Variants in EFCAB6 observed in about 807,000 individuals in gnomAD.
EFCAB6 encodes the protein EF-hand calcium binding domain 6, also known as EF-hand calcium-binding domain-containing protein 6.
In EFCAB6, 156 loss-of-function variants were observed where a neutral mutation model predicts 169.8. The ratio of observed to expected loss-of-function variants is 0.92; its 90% CI spans 0.81 to 1.05. The LOEUF is 1.05. EFCAB6 is among the 50% of genes least tolerant of loss of function. The probability of loss-of-function intolerance (pLI) is 0.00; values close to 1 mark genes in which losing one functional copy is unlikely to be tolerated. For missense variants in EFCAB6, 1,800 were observed against 1,829.1 expected (o/e 0.98, Z 0.29); for synonymous variants, 698 against 676.4 (o/e 1.03, Z -0.50).
intron 6 of EFCAB6, among the ~76,000 whole-genome samples, chr22:43,748,352 A>G (rs2060636799): frequency 6.6e-6 from 1 of 152,218 alleles, no homozygotes; most frequent in Non-Finnish European, 1.5e-5. Flanking sequence ...CTTGAGAAAC[A>G]TAACTCTACA....
intron 5 of EFCAB6, 132 bp from the exon 6 acceptor site, chr22:43,755,964 A>ACTGT (rs2147863836): frequency 2.2e-6 from 2 of 899,894 alleles, no homozygotes; most frequent in East Asian, 5.6e-5. Flanking sequence ...CTTACAAGCT[A>ACTGT]CTGTCTGCAG....
At chr22:43,571,058 G>T (rs1012355283) in intron 26 of EFCAB6, among the ~76,000 whole-genome samples, 6 of 152,214 alleles carry the variant, frequency 3.9e-5, no homozygotes, top group African/African-American at 1.2e-4. Context: ...ACACAGCAGG[G>T]GCAGGAAGCC....
chr22:43,685,287 C>A (rs963239431), intron 11 of EFCAB6, among the ~76,000 whole-genome samples: 12 of 151,894 alleles, frequency 7.9e-5, no homozygotes, highest in African/African-American at 2.9e-4. Context: ...CTGTGTTGGG[C>A]GTGCCTGCGA....
intron 23 of EFCAB6, 125 bp from the exon 24 acceptor site, chr22:43,590,354 AT>A: frequency 9.2e-7 from 1 of 1,089,986 alleles, no homozygotes; most frequent in Non-Finnish European, 1.3e-6. Flanking sequence ...AATTTTGAAG[AT>A]GTTTTACAGC....
At chr22:43,577,851 C>T (rs969117287) in intron 25 of EFCAB6, among the ~76,000 whole-genome samples, 1 of 151,160 alleles carries the variant, frequency 6.6e-6, no homozygotes, top group African/African-American at 2.4e-5. Flanking sequence ...ACCTTGCTTC[C>T]CTACACCAAG....
At chr22:43,716,771 A>C (rs1479718101) in intron 9 of EFCAB6, 77 bp downstream of exon 9, 1 of 1,506,400 alleles carries the variant, frequency 6.6e-7, no homozygotes, top group African/African-American at 1.4e-5. Context: ...AATAATGTGT[A>C]AACCTAATAG....
At chr22:43,588,404 G>A (rs1049498765) in intron 24 of EFCAB6, among the ~76,000 whole-genome samples, 3 of 152,080 alleles carry the variant, frequency 2.0e-5, no homozygotes, top group Non-Finnish European at 4.4e-5. Flanking sequence ...AACAAGAGTA[G>A]GATGTTATAA....
Position 43,537,210 on chromosome 22 carries a change from G to GGGGA in EFCAB6, c.4048+163_4048+166dup, listed in dbSNP as rs1569119227. 2 of 776,544 alleles carry GGGGA rather than the reference G, an allele frequency of 2.6e-6. No individual in the cohort carries two copies. The highest frequency in any genetic ancestry group is 5.1e-5 in the East Asian group (2 of 39,062). The allele number at this position is 776,544 out of a possible 1,614,324, so 48.1% of individuals were successfully genotyped here. On this transcript the variant is annotated intron_variant, in intron 29 of 31. Coordinates refer to ENST00000262726, the MANE Select transcript of EFCAB6 (RefSeq NM_022785.4). This position sits in a 1 kb window ranked among gnomAD's most constrained non-coding sequence, Gnocchi z 4.3. ...CCGGGTAGTCGGAATCCTCCTCCAT[G>GGGGA]GGGACCTTTGTATAGTAAGCTGCAC... is the stretch of plus-strand genomic sequence containing the variant.
intron 27 of EFCAB6, chr22:43,540,676 G>C: frequency 1.2e-6 from 1 of 808,600 alleles, no homozygotes; most frequent in Non-Finnish European, 1.7e-6. Context: ...CAGTGTATTC[G>C]AACATTTGGG....
chr22:43,808,986 A>G lies in EFCAB6; in HGVS notation c.-8+9T>C, dbSNP rs2063015552. ...AAACTACATTCAGAAGGTGTTATCG[A>G]AAACTTACTATTCAGAAATCTTCAA... On this transcript the variant is annotated intron_variant, in intron 2 of 31. Coordinates refer to ENST00000262726, the MANE Select transcript of EFCAB6 (RefSeq NM_022785.4). The G allele has an allele frequency of 6.6e-6, 1 of 152,256 alleles. No homozygotes were observed. The highest frequency in any genetic ancestry group is 2.4e-5 in the African/African-American group (1 of 41,472). 9.4% of individuals were successfully genotyped at this position (152,256 alleles called of 1,614,324 possible).
intron 2 of EFCAB6, among the ~76,000 whole-genome samples, chr22:43,805,527 G>C (rs937132999): frequency 9.9e-5 from 15 of 152,170 alleles, no homozygotes; most frequent in Non-Finnish European, 1.6e-4. Flanking sequence ...AGAGTAAACT[G>C]GTGGTTAGCA....
chr22:43,781,757 A>G (rs1412353173), intron 3 of EFCAB6, among the ~76,000 whole-genome samples: 2 of 151,960 alleles, frequency 1.3e-5, no homozygotes, highest in Non-Finnish European at 2.9e-5. Context: ...ATTGTAACAA[A>G]TGTACCACAG....
At chr22:43,529,920 C>A (rs2046957465) in intron 31 of EFCAB6, among the ~76,000 whole-genome samples, 1 of 152,210 alleles carries the variant, frequency 6.6e-6, no homozygotes, top group East Asian at 1.9e-4. Context: ...AAAGATGAGG[C>A]CATACATTTC....
chr22:43,724,413 G>A (rs917007254), intron 8 of EFCAB6, among the ~76,000 whole-genome samples: 6 of 146,890 alleles, frequency 4.1e-5, no homozygotes, highest in African/African-American at 1.5e-4. Context: ...TGTCTCCCAG[G>A]CTGGAATGCA....
intron 13 of EFCAB6, among the ~76,000 whole-genome samples, chr22:43,673,474 T>C (rs939020788): frequency 6.6e-6 from 1 of 152,188 alleles, no homozygotes; most frequent in African/African-American, 2.4e-5. Flanking sequence ...TTATTTAGTA[T>C]ATTTTAAAAT....
intron 6 of EFCAB6, among the ~76,000 whole-genome samples, chr22:43,736,674 C>T (rs1307094042): frequency 6.6e-6 from 1 of 152,024 alleles, no homozygotes; most frequent in Admixed American, 6.5e-5. Flanking sequence ...CCCTGTGGAT[C>T]CACAGGGAGC....
chr22:43,768,087 CT>C (rs1408056991), intron 4 of EFCAB6, among the ~76,000 whole-genome samples: 1 of 152,242 alleles, frequency 6.6e-6, no homozygotes, highest in Admixed American at 6.5e-5. Flanking sequence ...GAAAACACAA[CT>C]TTGTTTTCCT....
Position 43,628,356 on chromosome 22 carries a change from AC to A in EFCAB6, c.2233-1678del, listed in dbSNP as rs200355660. Among the ~76,000 whole-genome samples the A allele has an allele frequency of 0.012, 1,864 of 151,098 alleles. 20 individuals carry two copies. The highest frequency in any genetic ancestry group is 0.019 in the Non-Finnish European group (1,264 of 67,730). ...TCCCTTCAGAGTGCATTAGCACTGG[AC>A]CCCCTCTCCCAGGCACACCACCTCG... On this transcript the variant is annotated intron_variant, in intron 19 of 31. Transcript: ENST00000262726. The surrounding 1 kb of genome is among the most constrained non-coding windows in gnomAD (Gnocchi z 4.8).
Position 43,677,992 on chromosome 22 carries a change from T to C in EFCAB6, c.1419+4A>G, listed in dbSNP as rs201552353. ...ACCAAACAGGAAGTTGTTACAAAAC[T>C]CACCCTACAGTTCTCTTCAATCAGA... On this transcript the variant is annotated splice_donor_region_variant and intron_variant, in intron 13 of 31. Transcript: ENST00000262726. The C allele has an allele frequency of 3.1e-6, 5 of 1,602,024 alleles. No individual in the cohort carries two copies. In the East Asian group the frequency reaches 9.0e-5, roughly 29 times the overall value.
Sources: allele counts gnomAD v4.1 joint callset (sites outside exome capture counted in the v4.1 genomes callset), GRCh38; gene constraint gnomAD v4.1.1; non-coding constraint Gnocchi (gnomAD v3.1); transcripts MANE v1.5; gene names NCBI Gene and HGNC (gene_info 2026-07-23, HGNC 2026-07-21).